SCD5: variants seen among roughly 807,000 people sequenced by gnomAD.
The protein encoded by SCD5 is acyl-CoA-desaturase 4.
SCD5 carries 20 observed loss-of-function variants against 30.4 expected under a neutral mutation model. That is an observed-to-expected ratio of 0.66 (90% CI 0.46 to 0.96). The LOEUF is 0.96. Among genes scored for constraint, SCD5 ranks in the 40% least tolerant of loss-of-function variants. The probability of loss-of-function intolerance (pLI) is 0.00; values close to 1 mark genes in which losing one functional copy is unlikely to be tolerated. For synonymous variants in SCD5, 173 were observed against 176.4 expected (o/e 0.98, Z 0.16); for missense variants, 381 against 443.3 (o/e 0.86, Z 1.26).
intron 4 of SCD5, among the ~76,000 whole-genome samples, chr4:82,632,009 ACT>A (rs1663908804): frequency 6.6e-6 from 1 of 150,912 alleles, no homozygotes; most frequent in African/African-American, 2.4e-5. Flanking sequence ...GGCAGCTTTT[ACT>A]CTCTCACTTT....
chr4:82,721,995 C>T (rs1265401896), intron 1 of SCD5, among the ~76,000 whole-genome samples: 19 of 152,220 alleles, frequency 1.2e-4, no homozygotes, highest in Admixed American at 1.2e-3. Flanking sequence ...TCCACCCTTC[C>T]TGTTGCACAC....
intron 3 of SCD5, chr4:82,661,203 C>T: frequency 1.3e-6 from 1 of 785,284 alleles, no homozygotes; most frequent in Non-Finnish European, 2.2e-6. Context: ...ATCTAATCAT[C>T]CCTTGACACA....
intron 3 of SCD5, among the ~76,000 whole-genome samples, chr4:82,666,536 A>G (rs1384189789): frequency 6.6e-6 from 1 of 152,134 alleles, no homozygotes; most frequent in Admixed American, 6.5e-5. Flanking sequence ...AAAGAAAGAA[A>G]GAAAGAAAAT....
At chr4:82,635,929 T>G (rs1296728568) in intron 4 of SCD5, among the ~76,000 whole-genome samples, 1 of 152,138 alleles carries the variant, frequency 6.6e-6, no homozygotes, top group Non-Finnish European at 1.5e-5. Flanking sequence ...TTTCTTAAGC[T>G]CTGCCAAATG....
chr4:82,661,780 C>T (rs1255720273), intron 3 of SCD5, among the ~76,000 whole-genome samples: 1 of 152,222 alleles, frequency 6.6e-6, no homozygotes, highest in Admixed American at 6.5e-5. Flanking sequence ...ACTAAGGTGA[C>T]ATTCATGAAT....
chr4:82,655,722 T>C (rs1416944302), intron 3 of SCD5, among the ~76,000 whole-genome samples: 1 of 152,172 alleles, frequency 6.6e-6, no homozygotes, highest in Admixed American at 6.6e-5. Flanking sequence ...GAGCTAAATG[T>C]TAGCAACAAT....
chr4:82,680,882 G>T lies in SCD5; in HGVS notation c.394C>A (p.Arg132=), dbSNP rs777354340. The part of the protein sequence containing the change: ...NDIFEWSRDH[R]AHHKYSETDA... The stretch of plus-strand genomic sequence containing the variant: ...GTCTCTGAGTACTTGTGGTGGGCTC[G>T]GTGGTCCCTGGACCACTCGAAGATG... The change falls in exon 3 of 5, where the codon CGA becomes AGA. Residue 132 remains arginine, a synonymous_variant. Transcript: ENST00000319540. 1 of 1,613,144 alleles carries T rather than the reference G, an allele frequency of 6.2e-7. No homozygotes were observed. Among genetic ancestry groups the T allele is most frequent in the Non-Finnish European group, 8.5e-7 (1 of 1,179,976 alleles).
intron 1 of SCD5, among the ~76,000 whole-genome samples, chr4:82,708,836 C>T (rs1246333771): frequency 1.3e-5 from 2 of 152,192 alleles, no homozygotes; most frequent in African/African-American, 2.4e-5. Flanking sequence ...GAGTGCTCGA[C>T]AGAAGGAAGC....
intron 1 of SCD5, among the ~76,000 whole-genome samples, 163 bp from the exon 2 acceptor site, chr4:82,705,576 T>C (rs867711126): frequency 2.6e-5 from 4 of 152,228 alleles, no homozygotes; most frequent in South Asian, 2.1e-4. Context: ...TTTTTATTGA[T>C]TTGTAGCATC....
chr4:82,725,836 G>A (rs866072509), intron 1 of SCD5, among the ~76,000 whole-genome samples: 18 of 151,300 alleles, frequency 1.2e-4, no homozygotes, highest in Middle Eastern at 3.4e-3. Context: ...CTGCAGCCTG[G>A]GTGATGGGAG....
At chr4:82,792,457 C>A (rs1722118275) in intron 1 of SCD5, among the ~76,000 whole-genome samples, 1 of 152,182 alleles carries the variant, frequency 6.6e-6, no homozygotes, top group South Asian at 2.1e-4. Context: ...TGCCTGTAAT[C>A]CCAGCACTTT....
At chr4:82,787,823 G>A (rs1336244651) in intron 1 of SCD5, among the ~76,000 whole-genome samples, 1 of 152,142 alleles carries the variant, frequency 6.6e-6, no homozygotes, top group African/African-American at 2.4e-5. Context: ...GAGGCTAGGA[G>A]TTTGAGACCA....
At chr4:82,726,435 A>AAC (rs35464442) in intron 1 of SCD5, among the ~76,000 whole-genome samples, 3 of 151,086 alleles carry the variant, frequency 2.0e-5, no homozygotes, top group African/African-American at 7.3e-5. Context: ...AAAAAAAAAA[A>AAC]CAATTACCTT....
At chr4:82,692,954 C>A (rs1395275288) in intron 2 of SCD5, among the ~76,000 whole-genome samples, 2 of 152,138 alleles carry the variant, frequency 1.3e-5, no homozygotes, top group Non-Finnish European at 2.9e-5. Context: ...CCCAGGCAAG[C>A]CTTGAGGCTG....
intron 2 of SCD5, among the ~76,000 whole-genome samples, chr4:82,683,916 C>T (rs1050899439): frequency 6.6e-6 from 1 of 152,188 alleles, no homozygotes; most frequent in Admixed American, 6.5e-5. Context: ...GTCAATTAAA[C>T]CTCTTTTCTT....
chr4:82,788,177 T>C (rs867549443), intron 1 of SCD5, among the ~76,000 whole-genome samples: 1 of 152,224 alleles, frequency 6.6e-6, no homozygotes, highest in Non-Finnish European at 1.5e-5. Flanking sequence ...AATCTACCGA[T>C]GCATTGTTCA....
At chr4:82,698,071 T>TTCTGC in intron 2 of SCD5, 1 of 456,658 alleles carries the variant, frequency 2.2e-6, no homozygotes, top group Non-Finnish European at 4.4e-6. Flanking sequence ...TCAGGACCAC[T>TTCTGC]TCTGCTGCTG....
At chr4:82,651,956 A>T (rs1453852084) in intron 3 of SCD5, among the ~76,000 whole-genome samples, 1 of 152,176 alleles carries the variant, frequency 6.6e-6, no homozygotes, top group Non-Finnish European at 1.5e-5. Context: ...GGTAAAAAAC[A>T]ATAAGAACAT....
chr4:82,636,553 C>A, intron 4 of SCD5, 38 bp downstream of exon 4: 1 of 1,536,672 alleles, frequency 6.5e-7, no homozygotes, highest in South Asian at 1.2e-5. Flanking sequence ...AAACCTGGGC[C>A]ACCATTCTCC....
Sources: gnomAD v4.1 joint callset for allele counts (sites outside exome capture counted in the v4.1 genomes callset) on GRCh38, gnomAD v4.1.1 for gene constraint, MANE v1.5 for transcripts, NCBI Gene and HGNC (gene_info 2026-07-23, HGNC 2026-07-21) for gene names.